The following TTC39A variants were observed in gnomAD, a reference collection of about 807,000 sequenced individuals.
TTC39A encodes tetratricopeptide repeat protein 39A.
In TTC39A, 46 loss-of-function variants were observed where a neutral mutation model predicts 82.3. That is an observed-to-expected ratio of 0.56 (90% CI 0.44 to 0.71). TTC39A has a LOEUF of 0.71. Among genes scored for constraint, TTC39A ranks in the 30% least tolerant of loss-of-function variants. The pLI is 0.00. For synonymous variants in TTC39A, 254 were observed against 275.2 expected (o/e 0.92, Z 0.76); for missense variants, 543 against 712.9 (o/e 0.76, Z 2.71).
chr1:51,295,994 A>T, intron 13 of TTC39A, 85 bp downstream of exon 13: 1 of 1,464,096 alleles, frequency 6.8e-7, no homozygotes, highest in South Asian at 1.2e-5. Context: ...CAGTGCCCAC[A>T]GCTCAGGGTG....
intron 11 of TTC39A, 147 bp downstream of exon 11, chr1:51,302,210 T>C (rs1425978724): frequency 3.0e-6 from 3 of 1,008,722 alleles, no homozygotes; most frequent in East Asian, 2.6e-5. Flanking sequence ...GGGCCTCTCC[T>C]GCCCCTGCTC....
chr1:51,301,287 T>C (rs1202380803), intron 12 of TTC39A: 3 of 309,108 alleles, frequency 9.7e-6, no homozygotes, highest in Non-Finnish European at 1.8e-5. Flanking sequence ...CTACCATATT[T>C]GGGCAGTGCA....
In TTC39A at chr1:51,294,574, C is replaced by T. The variant is rs1644344081; in HGVS notation, c.1146-63G>A. 1.2e-6 allele frequency: 2 copies of T among 1,603,226 alleles called. No homozygotes were observed. The highest frequency in any genetic ancestry group is 2.2e-5 in the South Asian group (2 of 89,654). ...AGAGCAGGAGAGGGCAGAGGGTCCC[C>T]AGCCTACCCAGCTATGCTTGGCGCC... is the stretch of plus-strand genomic sequence containing the variant. On this transcript the variant is annotated intron_variant, in intron 13 of 17. Coordinates refer to ENST00000680483, the MANE Select transcript of TTC39A (RefSeq NM_001297663.2). This position sits in a 1 kb window ranked among gnomAD's most constrained non-coding sequence, Gnocchi z 4.3.
At chr1:51,315,318 G>T (rs1338783752) in intron 2 of TTC39A, among the ~76,000 whole-genome samples, 2 of 152,124 alleles carry the variant, frequency 1.3e-5, no homozygotes, top group African/African-American at 2.4e-5. Flanking sequence ...AAGTACAGAG[G>T]TATGACAACC....
At chr1:51,319,892 C>T (rs1645430992) in intron 2 of TTC39A, among the ~76,000 whole-genome samples, 2 of 151,904 alleles carry the variant, frequency 1.3e-5, no homozygotes, top group Admixed American at 1.3e-4. Flanking sequence ...GGTTTCACCA[C>T]GTTGGCCGGC....
At chr1:51,310,224 A>G (rs1645034251) in intron 5 of TTC39A, among the ~76,000 whole-genome samples, 1 of 152,122 alleles carries the variant, frequency 6.6e-6, no homozygotes. Flanking sequence ...GCGACAGAGC[A>G]AGACTCCGTC....
At chr1:51,314,014 T>C (rs751572180) in intron 2 of TTC39A, among the ~76,000 whole-genome samples, 18 of 152,182 alleles carry the variant, frequency 1.2e-4, no homozygotes, top group Non-Finnish European at 2.2e-4. Context: ...GGCTCAGCTC[T>C]CCCCATACTG....
chr1:51,302,240 G>GGCCCCCCCC, intron 11 of TTC39A, 117 bp downstream of exon 11: 2 of 623,710 alleles, frequency 3.2e-6, no homozygotes, highest in Admixed American at 2.3e-5. Context: ...TTCTCTCTTG[G>GGCCCCCCCC]CCCCCCCCCC....
At position 51,294,863 on chromosome 1, in the gene TTC39A, A is replaced by G. The variant is rs1461549980; in HGVS notation, c.1146-352T>C. On this transcript the variant is annotated intron_variant, in intron 13 of 17. Transcript: ENST00000680483. This position sits in a 1 kb window ranked among gnomAD's most constrained non-coding sequence, Gnocchi z 4.3. ...AGGATCCAAGAGAAGTTTAACCCCA[A>G]TTTCACAGGAGAGACCAACACTCGG... is the stretch of plus-strand genomic sequence containing the variant. Among the ~76,000 whole-genome samples, 1 of 152,162 alleles carries G rather than the reference A, an allele frequency of 6.6e-6. No individual in the cohort carries two copies. Among genetic ancestry groups the G allele is most frequent in the African/African-American group, 2.4e-5 (1 of 41,444 alleles).
chr1:51,334,059 AT>A (rs1447815562), upstream of TTC39A, among the ~76,000 whole-genome samples: 2 of 152,082 alleles, frequency 1.3e-5, no homozygotes, highest in Non-Finnish European at 2.9e-5. Context: ...TGCTCCGAGT[AT>A]TAAGAATTCA....
chr1:51,303,335 G>T (rs1644750369), intron 8 of TTC39A, 143 bp from the exon 9 acceptor site: 2 of 665,924 alleles, frequency 3.0e-6, no homozygotes, highest in South Asian at 3.8e-5. Flanking sequence ...GTGGCCCTGA[G>T]CAAGTGGCTG....
At chr1:51,319,167 CAAG>C (rs1372253569) in intron 2 of TTC39A, among the ~76,000 whole-genome samples, 2 of 151,930 alleles carry the variant, frequency 1.3e-5, no homozygotes, top group African/African-American at 2.4e-5. Flanking sequence ...CACCATAAAC[CAAG>C]AAGAAGATGT....
At chr1:51,293,538 A>G (rs1338136328) in intron 14 of TTC39A, among the ~76,000 whole-genome samples, 1 of 152,164 alleles carries the variant, frequency 6.6e-6, no homozygotes, top group Non-Finnish European at 1.5e-5. Flanking sequence ...CTATTATTAT[A>G]CCCATTTTAC....
intron 11 of TTC39A, 174 bp from the exon 12 acceptor site, chr1:51,301,907 G>T (rs1344284027): frequency 9.8e-6 from 8 of 820,288 alleles, no homozygotes; most frequent in Non-Finnish European, 1.5e-5. Context: ...TCCAGTCCTG[G>T]TTTTACCTCC....
At chr1:51,308,092 A>G (rs1344051748) in intron 6 of TTC39A, among the ~76,000 whole-genome samples, 1 of 152,084 alleles carries the variant, frequency 6.6e-6, no homozygotes, top group Non-Finnish European at 1.5e-5. Context: ...GTGTAGTAAG[A>G]TTGCTGTCAC....
chr1:51,309,564 G>A (rs1569884572), intron 5 of TTC39A: 3 of 844,984 alleles, frequency 3.6e-6, no homozygotes, highest in East Asian at 6.5e-5. Context: ...GCCTGGAGGG[G>A]CCACGCCCAG....
upstream of TTC39A, among the ~76,000 whole-genome samples, chr1:51,335,486 G>C (rs756584159): frequency 6.7e-6 from 1 of 149,096 alleles, no homozygotes; most frequent in East Asian, 2.0e-4. Flanking sequence ...ACTTGAACCC[G>C]GGAGGTGGAG....
chr1:51,297,243 C>T (rs1490552251), intron 12 of TTC39A: 1 of 151,686 alleles, frequency 6.6e-6, no homozygotes, highest in East Asian at 1.9e-4. Flanking sequence ...TGTGGTCTCG[C>T]TCTGTCGCCC....
intron 2 of TTC39A, among the ~76,000 whole-genome samples, chr1:51,314,921 T>C (rs1029064327): frequency 6.6e-6 from 1 of 152,158 alleles, no homozygotes; most frequent in African/African-American, 2.4e-5. Context: ...CAAAGCTCGG[T>C]AAATATGAGT....
Sources: gnomAD v4.1 joint callset for allele counts (sites outside exome capture counted in the v4.1 genomes callset) on GRCh38, gnomAD v4.1.1 for gene constraint, Gnocchi (gnomAD v3.1) non-coding constraint, MANE v1.5 for transcripts, NCBI Gene and HGNC (gene_info 2026-07-23, HGNC 2026-07-21) for gene names.